The following HDAC9 variants were observed in gnomAD, a reference collection of about 807,000 sequenced individuals.
HDAC9 encodes the protein histone deacetylase 9.
Under a neutral mutation model 139.4 loss-of-function variants are expected in HDAC9, and 41 were observed. The ratio of observed to expected loss-of-function variants is 0.29; its 90% confidence interval spans 0.23 to 0.38. HDAC9 has a LOEUF of 0.38. Ranked by LOEUF, HDAC9 falls within the 10% of genes least tolerant of loss-of-function variation. The probability of loss-of-function intolerance (pLI) is 1.00; values close to 1 mark genes in which losing one functional copy is unlikely to be tolerated. For missense variants in HDAC9, 1,147 were observed against 1,297.0 expected, an observed-to-expected ratio of 0.88 and a Z score of 1.78; for synonymous variants, 517 against 476.2, an observed-to-expected ratio of 1.09 and a Z score of -1.12.
chr7:18,900,236 A>G (rs549216565), intron 22 of HDAC9, among the ~76,000 whole-genome samples: 11 of 152,320 alleles, frequency 7.2e-5, no homozygotes, highest in Admixed American at 3.9e-4. Flanking sequence ...ACCTATGCAT[A>G]CTATCATTAT....
chr7:18,615,408 G>C (rs1584145827), intron 6 of HDAC9, among the ~76,000 whole-genome samples: 1 of 151,958 alleles, frequency 6.6e-6, no homozygotes, highest in East Asian at 1.9e-4. Context: ...TTCAAGTTTT[G>C]GAAATTGCTT....
intron 16 of HDAC9, among the ~76,000 whole-genome samples, chr7:18,791,694 C>G (rs1438829535): frequency 1.3e-5 from 2 of 152,100 alleles, no homozygotes; most frequent in Non-Finnish European, 2.9e-5. Flanking sequence ...CTGACAGGGT[C>G]AGAGTTCTGT....
intron 12 of HDAC9, among the ~76,000 whole-genome samples, chr7:18,670,885 T>C (rs1238422254): frequency 6.6e-6 from 1 of 151,806 alleles, no homozygotes; most frequent in East Asian, 1.9e-4. Context: ...TTTCTAATTC[T>C]AATGAGGGTT....
intron 12 of HDAC9, 199 bp downstream of exon 12, chr7:18,666,675 A>T (rs1182381069): frequency 7.5e-7 from 1 of 1,329,360 alleles, no homozygotes; most frequent in Non-Finnish European, 9.7e-7. Context: ...ACTGATCTCT[A>T]TATAGATATC....
chr7:18,864,811 G>C (rs1798371473), intron 21 of HDAC9, among the ~76,000 whole-genome samples: 1 of 151,846 alleles, frequency 6.6e-6, no homozygotes. Context: ...AGATGAAAAA[G>C]TTCTGGAGTT....
chr7:18,791,706 TGA>T (rs1193568603), intron 16 of HDAC9, among the ~76,000 whole-genome samples: 8 of 152,140 alleles, frequency 5.3e-5, no homozygotes, highest in South Asian at 2.1e-4. Flanking sequence ...GAGTTCTGTG[TGA>T]GAGTCCCGTG....
At chr7:18,297,407 A>C (rs927491616) in intron 1 of HDAC9, among the ~76,000 whole-genome samples, 8 of 152,140 alleles carry the variant, frequency 5.3e-5, no homozygotes, top group African/African-American at 1.9e-4. Flanking sequence ...ATTTTGCACC[A>C]ATTCTTTGGT....
chr7:18,215,656 T>C (rs1176034391), intron 2 of HDAC9, among the ~76,000 whole-genome samples: 1 of 152,184 alleles, frequency 6.6e-6, no homozygotes, highest in Non-Finnish European at 1.5e-5. Context: ...TGCTCTCTTG[T>C]GACATAAAAT....
At chr7:18,733,452 G>C (rs1288133304) in intron 13 of HDAC9, among the ~76,000 whole-genome samples, 2 of 150,366 alleles carry the variant, frequency 1.3e-5, no homozygotes, top group African/African-American at 4.9e-5. Context: ...TTTTTAAATT[G>C]CTGTCCTCAA....
At chr7:18,123,033 T>C (rs1189208957) in intron 1 of HDAC9, among the ~76,000 whole-genome samples, 1 of 152,222 alleles carries the variant, frequency 6.6e-6, no homozygotes, top group Admixed American at 6.5e-5. Context: ...AAAGAGACAT[T>C]GGTTGCAGTG....
rs957330587 is a variant in HDAC9 at position 18,238,804 on chromosome 7, G to A, written c.25+76455G>A. ...TTGAAGGAAAACCATAGAATGTTCCGCTAACTTTTAGCAGTGGGAGTTACA... is the reference window on the plus strand; with the variant it reads ...TTGAAGGAAAACCATAGAATGTTCCACTAACTTTTAGCAGTGGGAGTTACA... On this transcript the variant is annotated intron_variant, in intron 2 of 12. Coordinates refer to the HDAC9 transcript ENST00000417496. Among the ~76,000 whole-genome samples the A allele has an allele frequency of 4.6e-5, 7 of 152,140 alleles. No homozygotes were observed. The South Asian group carries it at 6.2e-4, about 14-fold the overall frequency.
chr7:18,171,439 C>G (rs1365770075), intron 2 of HDAC9, among the ~76,000 whole-genome samples: 1 of 152,174 alleles, frequency 6.6e-6, no homozygotes, highest in Non-Finnish European at 1.5e-5. Flanking sequence ...CCCTTTATTT[C>G]TTTCTCTTGC....
chr7:18,188,736 G>GA (rs1389079656), intron 2 of HDAC9, among the ~76,000 whole-genome samples: 2 of 152,152 alleles, frequency 1.3e-5, no homozygotes, highest in African/African-American at 4.8e-5. Flanking sequence ...GCGAACATGT[G>GA]AAAAAATCTC....
chr7:18,994,759 C>G (rs1786322981), intron 25 of HDAC9, among the ~76,000 whole-genome samples: 2 of 151,924 alleles, frequency 1.3e-5, no homozygotes, highest in South Asian at 4.1e-4. Flanking sequence ...GGCTTTTTTT[C>G]TTATAAATCT....
intron 17 of HDAC9, among the ~76,000 whole-genome samples, chr7:18,809,259 C>G (rs908632922): frequency 6.6e-6 from 1 of 151,972 alleles, no homozygotes; most frequent in East Asian, 1.9e-4. Flanking sequence ...TTAGGGAAAC[C>G]CTCCTTAACA....
In HDAC9 at chr7:18,237,985, C is replaced by T. The variant is rs187285994; in HGVS notation, c.25+75636C>T. Among the ~76,000 whole-genome samples the T allele has an allele frequency of 5.3e-5, 8 of 152,242 alleles. No homozygotes were observed. The East Asian group carries it at 1.5e-3, about 29-fold the overall frequency. On this transcript the variant is annotated intron_variant, in intron 2 of 12. Transcript: ENST00000417496. Reference sequence around the variant, plus strand: ...TGTTTGGTCCTTAATACATTTGGTGCTATGAAATTAACATTTATTCAGGAT... The same window carrying T: ...TGTTTGGTCCTTAATACATTTGGTGTTATGAAATTAACATTTATTCAGGAT...
intron 11 of HDAC9, 46 bp from the exon 12 acceptor site, chr7:18,666,167 C>G: frequency 2.6e-6 from 4 of 1,534,484 alleles, no homozygotes; most frequent in Non-Finnish European, 3.5e-6. Flanking sequence ...TTCTCTGTTA[C>G]CATGAAGAAC....
intron 17 of HDAC9, among the ~76,000 whole-genome samples, chr7:18,826,638 G>A (rs1795459430): frequency 6.9e-6 from 1 of 145,942 alleles, no homozygotes; most frequent in East Asian, 2.1e-4. Flanking sequence ...GAGGAAGAGA[G>A]AATTCAAGTC....
intron 17 of HDAC9, among the ~76,000 whole-genome samples, chr7:18,798,771 G>A (rs1793028285): frequency 6.6e-6 from 1 of 152,064 alleles, no homozygotes; most frequent in South Asian, 2.1e-4. Context: ...ATAACAATGG[G>A]GCAAACAGTA....
Sources: gnomAD v4.1 joint callset for allele counts (sites outside exome capture counted in the v4.1 genomes callset) on GRCh38, gnomAD v4.1.1 for gene constraint, MANE v1.5 for transcripts, NCBI Gene and HGNC (gene_info 2026-07-23, HGNC 2026-07-21) for gene names.